COCH: variants seen among roughly 807,000 people sequenced by gnomAD.
COCH encodes coagulation factor C homolog, cochlin (Limulus polyphemus).
In COCH, 40 loss-of-function variants were observed where a neutral mutation model predicts 54.8. The ratio of observed to expected loss-of-function variants is 0.73; its 90% CI spans 0.57 to 0.95. COCH has a LOEUF of 0.95. Among genes scored for constraint, COCH ranks in the 40% least tolerant of loss-of-function variants. The pLI is 0.00. For missense variants in COCH, 605 were observed against 675.0 expected (o/e 0.90, Z 1.15); for synonymous variants, 256 against 237.9 (o/e 1.08, Z -0.70).
At chr14:30,884,443 G>T (rs527398152) in intron 8 of COCH, 110 bp from the exon 9 acceptor site, 1 of 743,920 alleles carries the variant, frequency 1.3e-6, no homozygotes, top group African/African-American at 1.7e-5. Flanking sequence ...ATGGAATTAA[G>T]AAAGAAACTT....
At chr14:30,892,581 A>C (rs1896010932), downstream of COCH, among the ~76,000 whole-genome samples, 1 of 152,166 alleles carries the variant, frequency 6.6e-6, no homozygotes, top group African/African-American at 2.4e-5. Context: ...AGGCGGGTGG[A>C]TCACCTGAGG....
chr14:30,886,800 C>T (rs1423237077), intron 11 of COCH, among the ~76,000 whole-genome samples: 1 of 152,198 alleles, frequency 6.6e-6, no homozygotes, highest in African/African-American at 2.4e-5. Context: ...GAGCTACAAC[C>T]TCCAACTATT....
Position 30,886,165 on chromosome 14 carries a change from A to G in COCH, c.1330A>G (p.Thr444Ala), listed in dbSNP as rs371248806. 7 of 1,611,198 alleles carry G rather than the reference A, an allele frequency of 4.3e-6. No homozygotes were observed. Among genetic ancestry groups the G allele is most frequent in the Non-Finnish European group, 5.9e-6 (7 of 1,177,716 alleles). The stretch of plus-strand genomic sequence containing the variant: ...AAACATCCGCTATATGAGTGGTGGA[A>G]CAGCTACTGGTGATGCCATTTCCTT... ...IRNIRYMSGG[T>A]ATGDAISFTV... Residue 444 changes from threonine to alanine, a missense_variant, in exon 11 of 12, where the codon ACA becomes GCA. Physicochemically the swap from Thr to Ala is moderately conservative, Grantham distance 58. Coordinates refer to ENST00000396618, the MANE Select transcript of COCH (RefSeq NM_004086.3).
Position 30,877,370 on chromosome 14 carries a change from G to C in COCH, c.83-202G>C, listed in dbSNP as rs1895399028. On this transcript the variant is annotated intron_variant, in intron 3 of 11. Transcript: ENST00000396618. This position sits in a 1 kb window ranked among gnomAD's most constrained non-coding sequence, Gnocchi z 8.6. ...AACTTTCACATTAGAGTTTTATAGT[G>C]GCTGGGGACTATATTAAATTGGAAA... The C allele has an allele frequency of 3.3e-6, 2 of 613,992 alleles. No individual in the cohort carries two copies. Among genetic ancestry groups the C allele is most frequent in the South Asian group, 4.0e-5 (2 of 50,010 alleles). The allele number at this position is 613,992 out of a possible 1,614,324, so 38.0% of individuals were successfully genotyped here.
downstream of COCH, among the ~76,000 whole-genome samples, chr14:30,893,127 ATTACAAACGGCAAAAACCACAATTT>A (rs1400986284): frequency 6.7e-4 from 94 of 139,590 alleles, 1 homozygote; most frequent in South Asian, 5.7e-3. Flanking sequence ...AAAAACCACA[ATTACAAACGGCAAAAACCACAATTT>A]TTTTTTTTTT....
chr14:30,884,858 TA>T, intron 9 of COCH: 1 of 1,498,340 alleles, frequency 6.7e-7, no homozygotes, highest in Non-Finnish European at 8.9e-7. Flanking sequence ...TTTCTTATTT[TA>T]AAAAATATAA....
At chr14:30,882,197 T>A (rs1400537857) in intron 8 of COCH, among the ~76,000 whole-genome samples, 1 of 139,400 alleles carries the variant, frequency 7.2e-6, no homozygotes, top group Non-Finnish European at 1.5e-5. Context: ...TGGCACGATC[T>A]TTGTTCACTA....
At chr14:30,879,788 C>T (rs1356604463) in intron 6 of COCH, among the ~76,000 whole-genome samples, 1 of 152,146 alleles carries the variant, frequency 6.6e-6, no homozygotes, top group Admixed American at 6.5e-5. Context: ...GTACTACAGG[C>T]ACATGCCACC....
chr14:30,895,352 G>T, downstream of COCH: 1 of 1,504,992 alleles, frequency 6.6e-7, no homozygotes. Flanking sequence ...TCTGATGGCA[G>T]TGATGCAGAC....
At chr14:30,891,986 T>C (rs551484291), downstream of COCH, among the ~76,000 whole-genome samples, 2 of 152,352 alleles carry the variant, frequency 1.3e-5, no homozygotes, top group East Asian at 1.9e-4. Context: ...TTAAATGCAA[T>C]GTTAGTCTTC....
intron 3 of COCH, chr14:30,875,482 G>T: frequency 3.8e-6 from 2 of 519,620 alleles, no homozygotes; most frequent in Middle Eastern, 4.9e-4. Context: ...GCTGCGTTTG[G>T]GGGTGGAGGA....
At chr14:30,883,374 C>A (rs1465669678) in intron 8 of COCH, among the ~76,000 whole-genome samples, 1 of 152,104 alleles carries the variant, frequency 6.6e-6, no homozygotes, top group Non-Finnish European at 1.5e-5. Context: ...TAGACTCATA[C>A]AAAGTTTTGT....
intron 3 of COCH, 66 bp downstream of exon 3, chr14:30,875,169 G>T (rs1895310517): frequency 3.9e-6 from 6 of 1,537,984 alleles, no homozygotes; most frequent in Middle Eastern, 2.2e-4. Context: ...GTACAAGCGG[G>T]ACTCAGATCC....
At chr14:30,887,430 C>G (rs1021638069) in intron 11 of COCH, among the ~76,000 whole-genome samples, 1 of 151,782 alleles carries the variant, frequency 6.6e-6, no homozygotes, top group Non-Finnish European at 1.5e-5. Context: ...ACTTTTTCCC[C>G]CCCGCTTAAG....
chr14:30,891,477 G>T (rs1269018023), downstream of COCH, among the ~76,000 whole-genome samples: 1 of 152,064 alleles, frequency 6.6e-6, no homozygotes, highest in African/African-American at 2.4e-5. Flanking sequence ...GAAACAAACT[G>T]GAATTGACTT....
At chr14:30,875,407 C>T (rs1895321815) in intron 3 of COCH, 1 of 597,296 alleles carries the variant, frequency 1.7e-6, no homozygotes, top group Non-Finnish European at 3.0e-6. Flanking sequence ...TGAGCGCCGG[C>T]AGCAGGAGGT....
intron 11 of COCH, among the ~76,000 whole-genome samples, chr14:30,887,653 T>TA (rs1020197008): frequency 2.2e-4 from 33 of 152,314 alleles, no homozygotes; most frequent in Middle Eastern, 3.4e-3. Flanking sequence ...TTGTTTTTTT[T>TA]AACACTCTTC....
intron 8 of COCH, among the ~76,000 whole-genome samples, 175 bp downstream of exon 8, chr14:30,880,909 T>C (rs184118443): frequency 2.0e-5 from 3 of 152,312 alleles, no homozygotes; most frequent in Non-Finnish European, 2.9e-5. Context: ...TTCTTTGTGT[T>C]GGATACATTC....
Position 30,885,778 on chromosome 14 carries a change from A to T in COCH, c.961-18A>T, listed in dbSNP as rs1273007834. 6.2e-7 allele frequency: 1 copy of T among 1,613,472 alleles called. No homozygotes were observed. The highest frequency in any genetic ancestry group is 8.5e-7 in the Non-Finnish European group (1 of 1,179,616). On this transcript the variant is annotated intron_variant, in intron 10 of 11. Coordinates refer to ENST00000396618, the MANE Select transcript of COCH (RefSeq NM_004086.3). ...CTTTTGATCCTTTTGGATATCTTTT[A>T]TGTGTCTCCCCCATTAGGCTGTCTG...
Sources: gnomAD v4.1 joint callset for allele counts (sites outside exome capture counted in the v4.1 genomes callset) on GRCh38, gnomAD v4.1.1 for gene constraint, Gnocchi (gnomAD v3.1) non-coding constraint, MANE v1.5 for transcripts, NCBI Gene and HGNC (gene_info 2026-07-23, HGNC 2026-07-21) for gene names.